The following CPAMD8 variants were observed in gnomAD, a reference collection of about 807,000 sequenced individuals.
CPAMD8 encodes C3 and PZP-like alpha-2-macroglobulin domain-containing protein 8.
In CPAMD8, 146 loss-of-function variants were observed where a neutral mutation model predicts 224.7. That is an observed-to-expected ratio of 0.65 (90% CI 0.57 to 0.75). CPAMD8 has a LOEUF of 0.75. CPAMD8 is among the 30% of genes least tolerant of loss of function. The probability of loss-of-function intolerance (pLI) is 0.00; values close to 1 mark genes in which losing one functional copy is unlikely to be tolerated. For missense variants in CPAMD8, 2,301 were observed against 2,537.5 expected, an observed-to-expected ratio of 0.91 and a Z score of 2.00; for synonymous variants, 966 against 1,044.6, an observed-to-expected ratio of 0.92 and a Z score of 1.45.
chr19:16,926,806 C>T (rs1193235824), intron 25 of CPAMD8, among the ~76,000 whole-genome samples: 1 of 152,154 alleles, frequency 6.6e-6, no homozygotes, highest in East Asian at 1.9e-4. Flanking sequence ...TGCCTCTCTG[C>T]TTCTTCTCCT....
At chr19:16,934,549 A>G (rs924446580) in intron 23 of CPAMD8, among the ~76,000 whole-genome samples, 2 of 152,166 alleles carry the variant, frequency 1.3e-5, no homozygotes, top group African/African-American at 4.8e-5. Flanking sequence ...TGCTGTTCAT[A>G]AAGACTTTAT....
chr19:17,010,257 A>G (rs1402448737), intron 5 of CPAMD8, among the ~76,000 whole-genome samples: 1 of 151,744 alleles, frequency 6.6e-6, no homozygotes, highest in Non-Finnish European at 1.5e-5. Flanking sequence ...TTGTAGAGAC[A>G]GGGTTGTGCT....
intron 18 of CPAMD8, among the ~76,000 whole-genome samples, chr19:16,962,933 G>T (rs1347794947): frequency 6.6e-6 from 1 of 151,990 alleles, no homozygotes; most frequent in Non-Finnish European, 1.5e-5. Context: ...TTTCATATCC[G>T]GCCAAACTAA....
At chr19:16,985,789 TAGATGGATGGAGGGATGAAGAGAGGGAC>T (rs1023111543) in intron 13 of CPAMD8, among the ~76,000 whole-genome samples, 1 of 142,042 alleles carries the variant, frequency 7.0e-6, no homozygotes, top group African/African-American at 2.7e-5. Context: ...GGAGAGAGGA[TAGATGGATGGAGGGATGAAGAGAGGGAC>T]AGATGGAGGG....
At chr19:16,963,300 C>G (rs1488186835) in intron 18 of CPAMD8, among the ~76,000 whole-genome samples, 1 of 152,148 alleles carries the variant, frequency 6.6e-6, no homozygotes, top group Non-Finnish European at 1.5e-5. Context: ...GGAGACCCAT[C>G]TCATGTGCAG....
intron 8 of CPAMD8, among the ~76,000 whole-genome samples, chr19:17,002,801 G>A (rs2056370573): frequency 2.0e-5 from 3 of 152,176 alleles, no homozygotes; most frequent in Non-Finnish European, 2.9e-5. Context: ...CACCAGGGGC[G>A]GAGGTGACAC....
rs567073865 is a variant in CPAMD8 at position 16,999,394 on chromosome 19, T to C, written c.867+1020A>G. Among the ~76,000 whole-genome samples the C allele has an allele frequency of 2.3e-3, 346 of 151,556 alleles. 1 individual carries two copies. The highest frequency in any genetic ancestry group is 8.1e-3 in the African/African-American group (336 of 41,332). On this transcript the variant is annotated intron_variant, in intron 10 of 41. Coordinates refer to ENST00000443236, the MANE Select transcript of CPAMD8 (RefSeq NM_015692.5). Reference sequence around the variant, plus strand: ...AGGAGATCGAGACCATCCTAGCTAATACAGTGAAACCCCGTCTCTACTAAA... The same window carrying C: ...AGGAGATCGAGACCATCCTAGCTAACACAGTGAAACCCCGTCTCTACTAAA...
chr19:17,008,411 G>T, intron 7 of CPAMD8, 94 bp downstream of exon 7: 1 of 1,447,508 alleles, frequency 6.9e-7, no homozygotes, highest in Non-Finnish European at 9.5e-7. Context: ...AGCAGTGGGG[G>T]TACATTAGCG....
Position 16,975,231 on chromosome 19 carries a change from C to T in CPAMD8, c.1936G>A (p.Val646Ile), listed in dbSNP as rs1209343330. Residue 646 changes from valine (V) to isoleucine (I), a missense_variant, in exon 17 of 42, where the codon GTT becomes ATT. Coordinates refer to ENST00000443236, the MANE Select transcript of CPAMD8 (RefSeq NM_015692.5). Reference sequence around the variant, plus strand: ...CTGGACACGCCAAAGGAATCAGAAACATCATAATCTTCCAGTTCCTGGAAA... The same window carrying T: ...CTGGACACGCCAAAGGAATCAGAAATATCATAATCTTCCAGTTCCTGGAAA... ...QVFQELEDYD[V>I]SDSFGVSRED... 6.2e-7 allele frequency: 1 copy of T among 1,607,966 alleles called. No individual in the cohort carries two copies. Among genetic ancestry groups the T allele is most frequent in the Admixed American group, 1.7e-5 (1 of 58,872 alleles).
chr19:16,976,870 C>A (rs1327927341), intron 15 of CPAMD8, among the ~76,000 whole-genome samples: 1 of 151,790 alleles, frequency 6.6e-6, no homozygotes, highest in Non-Finnish European at 1.5e-5. Context: ...GGTGAAACCC[C>A]ATCTCTACTA....
At chr19:16,980,121 C>T (rs2055454835) in intron 14 of CPAMD8, among the ~76,000 whole-genome samples, 1 of 152,064 alleles carries the variant, frequency 6.6e-6, no homozygotes, top group Non-Finnish European at 1.5e-5. Context: ...CTAAGGAAGT[C>T]CCCTGGGAGG....
intron 20 of CPAMD8, among the ~76,000 whole-genome samples, chr19:16,950,704 G>T (rs1441183467): frequency 6.7e-6 from 1 of 148,572 alleles, no homozygotes; most frequent in Non-Finnish European, 1.5e-5. Flanking sequence ...GAGGAGGGGG[G>T]ATTGCTTGAG....
intron 25 of CPAMD8, among the ~76,000 whole-genome samples, chr19:16,927,209 G>C (rs545126535): frequency 6.6e-6 from 1 of 152,118 alleles, no homozygotes; most frequent in South Asian, 2.1e-4. Flanking sequence ...GAAGGACTCG[G>C]TGGGAGATAA....
intron 17 of CPAMD8, among the ~76,000 whole-genome samples, chr19:16,972,901 G>T (rs4808544): frequency 0.26 from 40,082 of 152,118 alleles, 5,661 homozygotes; most frequent in African/African-American, 0.36. Context: ...AGGTACAGTG[G>T]TGTATGTCTG....
chr19:16,897,632 G>T (rs902234561), intron 39 of CPAMD8, 59 bp downstream of exon 39: 21 of 965,464 alleles, frequency 2.2e-5, no homozygotes, highest in Non-Finnish European at 3.2e-5. Context: ...GGCGTCCGAG[G>T]GTGGGAGTCG....
intron 35 of CPAMD8, 123 bp from the exon 36 acceptor site, chr19:16,901,420 C>T (rs931017956): frequency 2.1e-5 from 15 of 708,124 alleles, no homozygotes; most frequent in South Asian, 9.6e-5. Flanking sequence ...GGGGCCTGGC[C>T]GGCAGGCCAA....
intron 22 of CPAMD8, among the ~76,000 whole-genome samples, chr19:16,941,870 G>A (rs1248986559): frequency 6.6e-6 from 1 of 152,326 alleles, no homozygotes; most frequent in Admixed American, 6.5e-5. Context: ...CTATTCGGGA[G>A]GCTGAGGCAG....
chr19:16,896,990 A>ACCCCC (rs2052031559), intron 39 of CPAMD8: 3 of 134,954 alleles, frequency 2.2e-5, no homozygotes, highest in East Asian at 1.6e-4. Flanking sequence ...ACCCACCCCA[A>ACCCCC]CCCCACCCCC....
At chr19:16,917,381 T>TG (rs1012585625) in intron 27 of CPAMD8, among the ~76,000 whole-genome samples, 4 of 152,124 alleles carry the variant, frequency 2.6e-5, no homozygotes, top group Admixed American at 2.6e-4. Flanking sequence ...AAGCTGTGTA[T>TG]GGGGGTGTAG....
Sources: allele counts gnomAD v4.1 joint callset (sites outside exome capture counted in the v4.1 genomes callset), GRCh38; gene constraint gnomAD v4.1.1; transcripts MANE v1.5; gene names NCBI Gene and HGNC (gene_info 2026-07-23, HGNC 2026-07-21).